The following CDH12 variants were observed in gnomAD, a reference collection of about 807,000 sequenced individuals.
CDH12 encodes the protein cadherin-12.
Under a neutral mutation model 74.1 loss-of-function variants are expected in CDH12, and 41 were observed. The observed-to-expected ratio is 0.55, with a 90% CI of 0.43 to 0.72. The LOEUF (loss-of-function observed/expected upper bound fraction) is 0.72. Ranked by LOEUF, CDH12 falls within the 30% of genes least tolerant of loss-of-function variation. The pLI, the probability that CDH12 is intolerant of heterozygous loss-of-function variation, is 0.00. For synonymous variants in CDH12, 399 were observed against 355.0 expected, an observed-to-expected ratio of 1.12 and a Z score of -1.39; for missense variants, 945 against 977.2, an observed-to-expected ratio of 0.97 and a Z score of 0.44.
At position 22,117,485 on chromosome 5, in the gene CDH12, TA is replaced by T. The variant is rs1561128974; in HGVS notation, c.-186-38624del. On this transcript the variant is annotated intron_variant, in intron 4 of 14. Coordinates refer to ENST00000382254, the MANE Select transcript of CDH12 (RefSeq NM_004061.5). The stretch of plus-strand genomic sequence containing the variant: ...ATATATATAATATATATATTATATA[TA>T]TATTATATATATATAATATATATAT... Among the ~76,000 whole-genome samples, 265 of 48,434 alleles carry T rather than the reference TA, an allele frequency of 5.5e-3. 3 individuals carry two copies. Among genetic ancestry groups the T allele is most frequent in the African/African-American group, 0.02 (255 of 12,726 alleles). 31.8% of individuals were successfully genotyped at this position (48,434 alleles called of 152,430 possible).
chr5:22,084,791 A>T (rs982537659), intron 4 of CDH12, among the ~76,000 whole-genome samples: 2 of 152,274 alleles, frequency 1.3e-5, no homozygotes, highest in South Asian at 4.1e-4. Context: ...AAGGAGATTG[A>T]AGGACTCCAG....
chr5:22,671,315 G>A (rs1740887441), intron 1 of CDH12, among the ~76,000 whole-genome samples: 1 of 152,014 alleles, frequency 6.6e-6, no homozygotes, highest in East Asian at 1.9e-4. Context: ...ATTTTTAAGT[G>A]TACAAGGCTG....
At chr5:22,092,101 T>C (rs1743468934) in intron 4 of CDH12, among the ~76,000 whole-genome samples, 1 of 151,796 alleles carries the variant, frequency 6.6e-6, no homozygotes. Context: ...TAAAAATGAC[T>C]TTTATCCTCT....
intron 5 of CDH12, among the ~76,000 whole-genome samples, chr5:22,022,286 G>A (rs891551121): frequency 6.6e-6 from 1 of 152,124 alleles, no homozygotes; most frequent in Non-Finnish European, 1.5e-5. Context: ...TTTTCCCCAT[G>A]TACTTTTCAT....
intron 2 of CDH12, among the ~76,000 whole-genome samples, chr5:22,483,403 G>A (rs190839355): frequency 1.3e-5 from 2 of 151,956 alleles, no homozygotes; most frequent in Admixed American, 1.3e-4. Context: ...TAGGTATTGG[G>A]AATACAGCTG....
intron 8 of CDH12, among the ~76,000 whole-genome samples, chr5:21,839,211 G>A (rs762336112): frequency 1.8e-4 from 27 of 152,172 alleles, no homozygotes; most frequent in Admixed American, 3.9e-4. Context: ...AGAAACAAAT[G>A]CATTATTTCT....
chr5:22,766,835 G>A (rs752929410), intron 1 of CDH12, among the ~76,000 whole-genome samples: 1 of 152,042 alleles, frequency 6.6e-6, no homozygotes, highest in Non-Finnish European at 1.5e-5. Context: ...TGTATGGGAG[G>A]ATGTGCATAG....
At chr5:22,671,449 A>C (rs1473007665) in intron 1 of CDH12, among the ~76,000 whole-genome samples, 1 of 151,750 alleles carries the variant, frequency 6.6e-6, no homozygotes, top group Non-Finnish European at 1.5e-5. Context: ...GGCACTTGGA[A>C]TAGGGTATTC....
chr5:22,500,318 T>C (rs1367166349), intron 2 of CDH12, among the ~76,000 whole-genome samples: 1 of 152,170 alleles, frequency 6.6e-6, no homozygotes, highest in African/African-American at 2.4e-5. Flanking sequence ...CTGTCTCTAT[T>C]TCCCTTCCTT....
chr5:22,003,806 A>G (rs1399795512), intron 5 of CDH12, among the ~76,000 whole-genome samples: 4 of 128,828 alleles, frequency 3.1e-5, no homozygotes, highest in African/African-American at 8.9e-5. Flanking sequence ...ATAAATGATC[A>G]GCAGGCCCCC....
intron 3 of CDH12, among the ~76,000 whole-genome samples, chr5:22,394,055 A>G (rs1242300588): frequency 6.6e-6 from 1 of 152,178 alleles, no homozygotes; most frequent in Admixed American, 6.6e-5. Context: ...TGATGACTCA[A>G]GAGGTTCTAA....
At chr5:22,351,206 C>T (rs779890090) in intron 3 of CDH12, among the ~76,000 whole-genome samples, 7 of 152,012 alleles carry the variant, frequency 4.6e-5, no homozygotes, top group Non-Finnish European at 7.4e-5. Flanking sequence ...GAAGAAAATA[C>T]AGAATAATAA....
chr5:22,144,195 G>A (rs985144525), intron 4 of CDH12: 18 of 152,100 alleles, frequency 1.2e-4, no homozygotes, highest in Non-Finnish European at 1.9e-4. Context: ...AGAAATATAA[G>A]TTGTTCTTTT....
At chr5:22,274,216 A>G (rs187873354) in intron 3 of CDH12, among the ~76,000 whole-genome samples, 1 of 152,218 alleles carries the variant, frequency 6.6e-6, no homozygotes, top group African/African-American at 2.4e-5. Context: ...GTCAAAGTAA[A>G]TATTTAGGGA....
At chr5:22,843,690 C>A (rs1232456945) in intron 1 of CDH12, among the ~76,000 whole-genome samples, 1 of 150,960 alleles carries the variant, frequency 6.6e-6, no homozygotes, top group African/African-American at 2.4e-5. Context: ...GAAGGCACTG[C>A]AAAAATGTTT....
At chr5:22,544,412 A>T (rs1477934203) in intron 1 of CDH12, among the ~76,000 whole-genome samples, 5 of 152,178 alleles carry the variant, frequency 3.3e-5, no homozygotes, top group African/African-American at 1.2e-4. Context: ...TCTATAGCAA[A>T]ATCAGGTCTT....
At chr5:21,965,545 C>T (rs1234604197) in intron 6 of CDH12, among the ~76,000 whole-genome samples, 1 of 151,498 alleles carries the variant, frequency 6.6e-6, no homozygotes, top group Admixed American at 6.6e-5. Context: ...ACAAATTGCA[C>T]CCTATTTTGA....
At chr5:22,371,301 C>T (rs565798760) in intron 3 of CDH12, among the ~76,000 whole-genome samples, 2 of 152,204 alleles carry the variant, frequency 1.3e-5, no homozygotes, top group South Asian at 4.1e-4. Context: ...TGTACACACA[C>T]ATTTTATATG....
chr5:22,194,630 C>A (rs1237703002), intron 4 of CDH12, among the ~76,000 whole-genome samples: 2 of 152,092 alleles, frequency 1.3e-5, no homozygotes, highest in African/African-American at 4.8e-5. Context: ...CCGTGACTGG[C>A]CTCCCCACTA....
Sources: gnomAD v4.1 joint callset for allele counts (sites outside exome capture counted in the v4.1 genomes callset) on GRCh38, gnomAD v4.1.1 for gene constraint, MANE v1.5 for transcripts, NCBI Gene and HGNC (gene_info 2026-07-23, HGNC 2026-07-21) for gene names.